The following TCERG1L variants were observed in gnomAD, a reference collection of about 807,000 sequenced individuals.
TCERG1L encodes the protein transcription elongation regulator 1-like protein.
A neutral mutation model predicts 56.3 loss-of-function variants in TCERG1L; 37 were observed. That is an observed-to-expected ratio of 0.66 (90% CI 0.51 to 0.87). The LOEUF is 0.87. Ranked by LOEUF, TCERG1L falls within the 40% of genes least tolerant of loss-of-function variation. The pLI is 0.00. For missense variants in TCERG1L, 799 were observed against 774.2 expected, an observed-to-expected ratio of 1.03 and a Z score of -0.38; for synonymous variants, 324 against 326.3, an observed-to-expected ratio of 0.99 and a Z score of 0.08.
intron 4 of TCERG1L, among the ~76,000 whole-genome samples, chr10:131,233,473 C>T (rs992105502): frequency 6.6e-5 from 10 of 150,674 alleles, no homozygotes. Flanking sequence ...CACACACACA[C>T]AGACACGCAC....
In TCERG1L at chr10:131,234,475, A is replaced by G. The variant is rs192351251; in HGVS notation, c.856+25784T>C. 2.3e-3 allele frequency among the ~76,000 whole-genome samples: 351 copies of G among 152,328 alleles called. 3 individuals carry two copies. The highest frequency in any genetic ancestry group is 7.9e-3 in the African/African-American group (330 of 41,570). ...ATTAAAACCTTTTTTTTATTTTAGAAAAGTATGGAATAAACGAGAGGCTCA... is the reference window on the plus strand; with the variant it reads ...ATTAAAACCTTTTTTTTATTTTAGAGAAGTATGGAATAAACGAGAGGCTCA... On this transcript the variant is annotated intron_variant, in intron 4 of 11. Transcript: ENST00000368642.
intron 8 of TCERG1L, among the ~76,000 whole-genome samples, chr10:131,132,872 C>T (rs1330326205): frequency 6.6e-6 from 1 of 152,220 alleles, no homozygotes. Context: ...GCCAGTGAGC[C>T]TCTGCCCTGC....
At chr10:131,146,734 A>T in intron 6 of TCERG1L, 74 bp from the exon 7 acceptor site, 16 of 1,446,566 alleles carry the variant, frequency 1.1e-5, no homozygotes, top group South Asian at 4.9e-5. Context: ...ATGAACTCTC[A>T]CTGAAAAAGC....
intron 3 of TCERG1L, among the ~76,000 whole-genome samples, chr10:131,265,929 C>A (rs182994327): frequency 8.3e-4 from 126 of 152,336 alleles, no homozygotes; most frequent in African/African-American, 2.9e-3. Flanking sequence ...CTCTTCCTTT[C>A]AGGAAAGATG....
rs779416912 is a variant in TCERG1L at position 131,308,229 on chromosome 10, C to G, written c.652G>C (p.Ala218Pro). The change falls in exon 3 of 12, where the codon GCA (alanine) becomes CCA (proline). Residue 218 changes from alanine to proline, a missense_variant. Coordinates refer to ENST00000368642, the MANE Select transcript of TCERG1L (RefSeq NM_174937.4). Reference sequence around the variant, plus strand: ...CACCAACCTGGGATGGGCTGAGGTGCTAACACCACCGTGGGGAGCGGCCTG... The same window carrying G: ...CACCAACCTGGGATGGGCTGAGGTGGTAACACCACCGTGGGGAGCGGCCTG... Reference protein sequence around the residue: ...ASRPLPTVVLAPQPIPGGCHN... With the variant: ...ASRPLPTVVLPPQPIPGGCHN... 1 of 1,613,422 alleles carries G rather than the reference C, an allele frequency of 6.2e-7. No individual in the cohort carries two copies. Among genetic ancestry groups the G allele is most frequent in the Non-Finnish European group, 8.5e-7 (1 of 1,179,672 alleles).
intron 4 of TCERG1L, among the ~76,000 whole-genome samples, chr10:131,231,663 T>C (rs980215729): frequency 5.3e-5 from 8 of 152,144 alleles, no homozygotes; most frequent in African/African-American, 1.9e-4. Flanking sequence ...GTGACCTTCC[T>C]CCTGGTTCAG....
chr10:131,268,195 G>A (rs1332329679), intron 3 of TCERG1L, among the ~76,000 whole-genome samples: 1 of 152,202 alleles, frequency 6.6e-6, no homozygotes, highest in Non-Finnish European at 1.5e-5. Flanking sequence ...GCACCTCCCT[G>A]CTGCAGCTGG....
At chr10:131,094,248 G>T (rs570835960) in intron 11 of TCERG1L, among the ~76,000 whole-genome samples, 1 of 152,230 alleles carries the variant, frequency 6.6e-6, no homozygotes, top group South Asian at 2.1e-4. Context: ...AGATGCACTC[G>T]CTTGTCCAGC....
At chr10:131,113,580 G>A (rs908741596) in intron 9 of TCERG1L, among the ~76,000 whole-genome samples, 2 of 142,192 alleles carry the variant, frequency 1.4e-5, no homozygotes, top group Non-Finnish European at 1.6e-5. Context: ...TCGTCACAGC[G>A]AAGCCTGCAG....
intron 4 of TCERG1L, among the ~76,000 whole-genome samples, chr10:131,178,303 C>T (rs928709185): frequency 2.0e-5 from 3 of 152,160 alleles, no homozygotes; most frequent in Non-Finnish European, 2.9e-5. Context: ...AGCCGACTAG[C>T]GCGGGGCCCT....
chr10:131,235,340 C>T (rs1375917187), intron 4 of TCERG1L, among the ~76,000 whole-genome samples: 1 of 152,146 alleles, frequency 6.6e-6, no homozygotes, highest in Admixed American at 6.5e-5. Context: ...AATGGCTCTT[C>T]GTTGCCAGTG....
In TCERG1L at chr10:131,092,879, A is replaced by G. The variant is rs925654962; in HGVS notation, c.*283T>C. The stretch of plus-strand genomic sequence containing the variant: ...CGTTCCTGCTTCCCCACAGTCCTGC[A>G]GTGGATTGATAATTTGTGTATATTA... On this transcript the variant is annotated 3_prime_UTR_variant, in exon 12 of 12. Transcript: ENST00000368642. 4 of 295,436 alleles carry G rather than the reference A, an allele frequency of 1.4e-5. No homozygotes were observed. Among genetic ancestry groups the G allele is most frequent in the South Asian group, 7.2e-5 (1 of 13,938 alleles). The allele number at this position is 295,436 out of a possible 1,614,324, so 18.3% of individuals were successfully genotyped here. A position where few individuals can be genotyped will look rare whatever the true frequency, so the allele number is the denominator to read the frequency against.
intron 9 of TCERG1L, among the ~76,000 whole-genome samples, chr10:131,115,442 C>T (rs1408530647): frequency 1.3e-5 from 2 of 152,272 alleles, no homozygotes; most frequent in African/African-American, 4.8e-5. Flanking sequence ...GTAAAAATAG[C>T]TTTTAAAATA....
At position 131,116,780 on chromosome 10, in the gene TCERG1L, C is replaced by A; in HGVS notation, c.1395+19G>T. 6.5e-7 allele frequency: 1 copy of A among 1,549,930 alleles called. No homozygotes were observed. On this transcript the variant is annotated intron_variant, in intron 9 of 11. Transcript: ENST00000368642. Reference sequence around the variant, plus strand: ...CGGGTCTGCCGTAGGAGTGCAGCCCCTCAGCCGCTGTGCCTTACCCCTCTC... The same window carrying A: ...CGGGTCTGCCGTAGGAGTGCAGCCCATCAGCCGCTGTGCCTTACCCCTCTC...
intron 4 of TCERG1L, among the ~76,000 whole-genome samples, chr10:131,183,877 G>C (rs1589740407): frequency 6.6e-6 from 1 of 152,332 alleles, no homozygotes; most frequent in East Asian, 1.9e-4. Flanking sequence ...AGGTGGGTGT[G>C]GCATGCTGAG....
chr10:131,099,512 C>T (rs1164550353), intron 10 of TCERG1L, among the ~76,000 whole-genome samples: 2 of 152,184 alleles, frequency 1.3e-5, no homozygotes, highest in East Asian at 3.9e-4. Context: ...TAAATAGCAA[C>T]TGGGCACCAA....
chr10:131,287,870 G>C (rs974646126), intron 3 of TCERG1L, among the ~76,000 whole-genome samples: 2 of 152,236 alleles, frequency 1.3e-5, no homozygotes, highest in African/African-American at 2.4e-5. Flanking sequence ...GCTGGCGAGT[G>C]ACAGGCCATT....
At chr10:131,174,884 C>A (rs1354517651) in intron 4 of TCERG1L, among the ~76,000 whole-genome samples, 1 of 133,056 alleles carries the variant, frequency 7.5e-6, no homozygotes, top group Non-Finnish European at 1.7e-5. Context: ...GACTCCACCC[C>A]TGCAACCTGA....
chr10:131,283,196 G>T (rs969434599), intron 3 of TCERG1L, among the ~76,000 whole-genome samples: 2 of 152,232 alleles, frequency 1.3e-5, no homozygotes, highest in Non-Finnish European at 2.9e-5. Flanking sequence ...TAGACGGGAT[G>T]CATTGGTACA....
Sources: gnomAD v4.1 joint callset for allele counts (sites outside exome capture counted in the v4.1 genomes callset) on GRCh38, gnomAD v4.1.1 for gene constraint, MANE v1.5 for transcripts, NCBI Gene and HGNC (gene_info 2026-07-23, HGNC 2026-07-21) for gene names.